VAPB: variants seen among roughly 807,000 people sequenced by gnomAD.
VAPB encodes vesicle-associated membrane protein-associated protein B/C.
In VAPB, 7 loss-of-function variants were observed where a neutral mutation model predicts 25.6. The ratio of observed to expected loss-of-function variants is 0.27; its 90% CI spans 0.16 to 0.51. The LOEUF (loss-of-function observed/expected upper bound fraction) is 0.51. Among genes scored for constraint, VAPB ranks in the 20% least tolerant of loss-of-function variants. VAPB has a pLI of 0.97. For missense variants in VAPB, 266 were observed against 301.3 expected (o/e 0.88, Z 0.87); for synonymous variants, 112 against 109.2 (o/e 1.03, Z -0.16).
Position 58,447,813 on chromosome 20 carries a change from G to A in VAPB, c.*3578G>A. ...AATACAATGTTATATGTCATTTTCA[G>A]CTCCTTCTCTAAAGGAATGGCCCAT... On this transcript the variant is annotated 3_prime_UTR_variant, in exon 6 of 6. Transcript: ENST00000475243. 4 of 454,020 alleles carry A rather than the reference G, an allele frequency of 8.8e-6. No homozygotes were observed. The highest frequency in any genetic ancestry group is 6.2e-5 in the South Asian group (4 of 64,474). 28.1% of individuals were successfully genotyped at this position (454,020 alleles called of 1,614,324 possible).
At chr20:58,409,902 TATAC>T (rs1313488583) in intron 1 of VAPB, among the ~76,000 whole-genome samples, 12 of 120,200 alleles carry the variant, frequency 1.0e-4, no homozygotes, top group South Asian at 2.4e-4. Context: ...TCTTTATTCA[TATAC>T]ACACACACAC....
rs760355284 is a variant in VAPB, at chr20:58,448,752, C to G, written c.*4517C>G. 1 of 453,734 alleles carries G rather than the reference C, an allele frequency of 2.2e-6. No individual in the cohort carries two copies. Among genetic ancestry groups the G allele is most frequent in the South Asian group, 1.6e-5 (1 of 64,394 alleles). 28.1% of individuals were successfully genotyped at this position (453,734 alleles called of 1,614,324 possible). ...TGTAGTTCAGATGCTTTTTCTTTTT[C>G]TGTTGGAAACTGAACACACTACAGA... is the stretch of plus-strand genomic sequence containing the variant. On this transcript the variant is annotated 3_prime_UTR_variant, in exon 6 of 6. Transcript: ENST00000475243.
chr20:58,414,961 G>A (rs549014209), intron 1 of VAPB, among the ~76,000 whole-genome samples: 4 of 152,382 alleles, frequency 2.6e-5, no homozygotes, highest in South Asian at 2.1e-4. Context: ...ACGAGACTCC[G>A]CCTGCAATCC....
intron 2 of VAPB, among the ~76,000 whole-genome samples, chr20:58,419,743 A>C (rs1988629061): frequency 6.6e-6 from 1 of 152,172 alleles, no homozygotes; most frequent in Non-Finnish European, 1.5e-5. Flanking sequence ...TTTTCTGTTG[A>C]CATCAAGGGC....
At chr20:58,443,925 T>C in intron 5 of VAPB, 152 bp from the exon 6 acceptor site, 1 of 1,053,658 alleles carries the variant, frequency 9.5e-7, no homozygotes, top group South Asian at 1.4e-5. Context: ...CTTTCCCCTC[T>C]GTAGCCTGCA....
intron 3 of VAPB, 74 bp downstream of exon 3, chr20:58,434,779 G>T: frequency 1.3e-6 from 1 of 766,534 alleles, no homozygotes. Flanking sequence ...AATTGTGGGT[G>T]CATGCATTTC....
At position 58,434,678 on chromosome 20, in the gene VAPB, A is replaced by G; in HGVS notation, c.288A>G (p.Pro96=). 1.3e-6 allele frequency: 2 copies of G among 1,582,104 alleles called. No homozygotes were observed. The highest frequency in any genetic ancestry group is 1.7e-6 in the Non-Finnish European group (2 of 1,151,262). Residue 96 remains proline (P), a synonymous_variant, in exon 3 of 6, where the codon CCA becomes CCG. Coordinates refer to ENST00000475243, the MANE Select transcript of VAPB (RefSeq NM_004738.5). ...TTATGGTTCAGTCTATGTTTGCTCC[A>G]ACTGACACTTCAGATATGGAAGCAG... is the stretch of plus-strand genomic sequence containing the variant. ...HKFMVQSMFA[P]TDTSDMEAVW...
chr20:58,423,037 A>G (rs1317284093), intron 2 of VAPB, among the ~76,000 whole-genome samples: 2 of 152,230 alleles, frequency 1.3e-5, no homozygotes, highest in Non-Finnish European at 2.9e-5. Context: ...CAAAGGATTA[A>G]GGAGCAGTAT....
intron 1 of VAPB, among the ~76,000 whole-genome samples, chr20:58,416,172 C>G (rs1240351401): frequency 1.3e-5 from 2 of 152,092 alleles, no homozygotes; most frequent in Non-Finnish European, 2.9e-5. Flanking sequence ...TTTATTATTA[C>G]AAATATTGCT....
chr20:58,446,710 TTG>T lies in VAPB; in HGVS notation c.*2478_*2479del, dbSNP rs1251138961. 1 of 453,904 alleles carries T rather than the reference TTG, an allele frequency of 2.2e-6. No individual in the cohort carries two copies. The highest frequency in any genetic ancestry group is 6.9e-5 in the East Asian group (1 of 14,390). 28.1% of individuals were successfully genotyped at this position (453,904 alleles called of 1,614,324 possible). ...AGAGGTTAGGACTTGGTGAACATGTTTGTGGGCCTTTTGACTGAGTGGCAGAA... is the reference window on the plus strand; with the variant it reads ...AGAGGTTAGGACTTGGTGAACATGTTTGGGCCTTTTGACTGAGTGGCAGAA... On this transcript the variant is annotated 3_prime_UTR_variant, in exon 6 of 6. Transcript: ENST00000475243.
intron 1 of VAPB, among the ~76,000 whole-genome samples, chr20:58,404,416 A>T (rs1352419251): frequency 6.6e-6 from 1 of 152,166 alleles, no homozygotes; most frequent in Non-Finnish European, 1.5e-5. Flanking sequence ...ACTTTGCGTT[A>T]TCTGCTTTTC....
At position 58,449,149 on chromosome 20, in the gene VAPB, C is replaced by T. The variant is rs768410812; in HGVS notation, c.*4914C>T. On this transcript the variant is annotated 3_prime_UTR_variant, in exon 6 of 6. Coordinates refer to ENST00000475243, the MANE Select transcript of VAPB (RefSeq NM_004738.5). ...GGGAGGCTGTGGGAATGGGTCTGCC[C>T]CCAGCTTCACAGACCTCTTCCTCCA... The T allele has an allele frequency of 4.4e-6, 2 of 453,970 alleles. No homozygotes were observed. Among genetic ancestry groups the T allele is most frequent in the Admixed American group, 2.4e-5 (1 of 42,552 alleles). 28.1% of individuals were successfully genotyped at this position (453,970 alleles called of 1,614,324 possible). A position where few individuals can be genotyped will look rare whatever the true frequency, so the allele number is the denominator to read the frequency against.
chr20:58,406,084 T>C (rs1988224361), intron 1 of VAPB, among the ~76,000 whole-genome samples: 1 of 151,820 alleles, frequency 6.6e-6, no homozygotes, highest in Non-Finnish European at 1.5e-5. Flanking sequence ...GGGAGGAGAG[T>C]GGGACTCAAG....
intron 1 of VAPB, among the ~76,000 whole-genome samples, chr20:58,414,820 G>A (rs1241751008): frequency 6.6e-6 from 1 of 152,166 alleles, no homozygotes. Context: ...TCCCAGACGG[G>A]GTGGCGGCCG....
chr20:58,390,197 C>G (rs1987758742), intron 1 of VAPB: 1 of 152,200 alleles, frequency 6.6e-6, no homozygotes, highest in African/African-American at 2.4e-5. Flanking sequence ...TTTCCTTTCA[C>G]TGCGTCCCTC....
At chr20:58,390,706 TATGAATGA>T (rs886825900) in intron 1 of VAPB, among the ~76,000 whole-genome samples, 5 of 152,200 alleles carry the variant, frequency 3.3e-5, no homozygotes, top group Non-Finnish European at 7.3e-5. Context: ...AGTTGGTATT[TATGAATGA>T]ATGAATGGCC....
intron 1 of VAPB, among the ~76,000 whole-genome samples, chr20:58,406,539 A>C (rs1298189918): frequency 6.6e-6 from 1 of 152,216 alleles, no homozygotes; most frequent in Non-Finnish European, 1.5e-5. Context: ...CTCATCGTTC[A>C]CAGATTGAAA....
intron 2 of VAPB, among the ~76,000 whole-genome samples, chr20:58,427,960 A>G (rs1433272321): frequency 6.7e-6 from 1 of 148,190 alleles, no homozygotes; most frequent in African/African-American, 2.5e-5. Context: ...GATGCAGGCG[A>G]AAGTGATCTG....
chr20:58,407,402 T>G (rs1418847240), intron 1 of VAPB, among the ~76,000 whole-genome samples: 1 of 152,212 alleles, frequency 6.6e-6, no homozygotes, highest in African/African-American at 2.4e-5. Context: ...TTTACAAGTC[T>G]GAACAAGTAG....
Sources: allele counts gnomAD v4.1 joint callset (sites outside exome capture counted in the v4.1 genomes callset), GRCh38; gene constraint gnomAD v4.1.1; transcripts MANE v1.5; gene names NCBI Gene and HGNC (gene_info 2026-07-23, HGNC 2026-07-21).